TMEM178A: variants seen among roughly 807,000 people sequenced by gnomAD.
The protein encoded by TMEM178A is transmembrane protein 178A, also known as transmembrane protein 178.
In TMEM178A, 12 loss-of-function variants were observed where a neutral mutation model predicts 29.1. That is an observed-to-expected ratio of 0.41 (90% CI 0.26 to 0.67). The LOEUF (loss-of-function observed/expected upper bound fraction) is 0.67. Ranked by LOEUF, TMEM178A falls within the 30% of genes least tolerant of loss-of-function variation. The pLI is 0.29. For synonymous variants in TMEM178A, 210 were observed against 187.2 expected (o/e 1.12, Z -0.99); for missense variants, 366 against 419.1 (o/e 0.87, Z 1.11).
intron 3 of TMEM178A, among the ~76,000 whole-genome samples, chr2:39,711,657 A>T (rs190762035): frequency 0.012 from 1,892 of 152,192 alleles, 80 homozygotes; most frequent in Admixed American, 0.083. Flanking sequence ...AATTTTTTTT[A>T]AAAAAAGACT....
intron 3 of TMEM178A, among the ~76,000 whole-genome samples, chr2:39,708,395 A>G (rs1333464461): frequency 1.3e-5 from 2 of 150,332 alleles, no homozygotes; most frequent in South Asian, 2.1e-4. Context: ...GGTTTGAAGC[A>G]AAGGAGTGAC....
chr2:39,676,301 CTAGT>C (rs1670621784), intron 1 of TMEM178A, among the ~76,000 whole-genome samples: 3 of 152,160 alleles, frequency 2.0e-5, no homozygotes, highest in Non-Finnish European at 4.4e-5. Context: ...CTGCATGTGG[CTAGT>C]TAATTAAAGA....
chr2:39,721,765 T>C (rs1672710417), downstream of TMEM178A, among the ~76,000 whole-genome samples: 1 of 152,020 alleles, frequency 6.6e-6, no homozygotes, highest in Admixed American at 6.6e-5. Context: ...AGGCTGAGGC[T>C]GGAGGATCTC....
intron 1 of TMEM178A, among the ~76,000 whole-genome samples, chr2:39,699,842 G>A (rs1671705120): frequency 6.6e-6 from 1 of 152,006 alleles, no homozygotes; most frequent in South Asian, 2.1e-4. Context: ...TTGGTATGTT[G>A]TAATTTTGTT....
intron 3 of TMEM178A, among the ~76,000 whole-genome samples, chr2:39,709,281 T>A (rs779934832): frequency 1.3e-5 from 2 of 152,136 alleles, no homozygotes; most frequent in Non-Finnish European, 2.9e-5. Flanking sequence ...CCTATCCCAC[T>A]CCACGAAATG....
chr2:39,692,514 GAAA>G (rs1328335409), intron 1 of TMEM178A, among the ~76,000 whole-genome samples: 1 of 151,794 alleles, frequency 6.6e-6, no homozygotes, highest in South Asian at 2.1e-4. Context: ...AAAAATTGGA[GAAA>G]AAAAGACAGT....
At chr2:39,683,174 A>G (rs758598665) in intron 1 of TMEM178A, among the ~76,000 whole-genome samples, 1 of 152,236 alleles carries the variant, frequency 6.6e-6, no homozygotes, top group Non-Finnish European at 1.5e-5. Context: ...GGTGTCGTCC[A>G]TTTCAGCATA....
intron 1 of TMEM178A, among the ~76,000 whole-genome samples, chr2:39,691,491 G>T (rs1413300010): frequency 1.3e-5 from 2 of 152,176 alleles, no homozygotes; most frequent in African/African-American, 2.4e-5. Context: ...AAAGGTAAGT[G>T]TTGGCAAGCA....
chr2:39,704,460 T>C (rs1362934104), intron 2 of TMEM178A, among the ~76,000 whole-genome samples: 1 of 152,170 alleles, frequency 6.6e-6, no homozygotes, highest in Admixed American at 6.5e-5. Flanking sequence ...CTACTGAATC[T>C]TTTGTTTGCC....
At chr2:39,694,766 A>T (rs1216192883) in intron 1 of TMEM178A, among the ~76,000 whole-genome samples, 1 of 152,232 alleles carries the variant, frequency 6.6e-6, no homozygotes, top group Non-Finnish European at 1.5e-5. Flanking sequence ...AAAAATACTA[A>T]AATTAATCTC....
At chr2:39,675,220 A>G (rs537464873) in intron 1 of TMEM178A, among the ~76,000 whole-genome samples, 4 of 152,118 alleles carry the variant, frequency 2.6e-5, no homozygotes, top group Non-Finnish European at 5.9e-5. Flanking sequence ...CAGATCATGC[A>G]TTTTGAAGTG....
intron 1 of TMEM178A, among the ~76,000 whole-genome samples, chr2:39,684,148 C>T (rs951351115): frequency 1.3e-5 from 2 of 152,090 alleles, no homozygotes; most frequent in Admixed American, 6.5e-5. Flanking sequence ...TTATTTTCTC[C>T]TCTGTGAACA....
At chr2:39,728,707 A>G in the TMEM178A span, among the ~76,000 whole-genome samples, 2 of 151,298 alleles carry the variant, frequency 1.3e-5, no homozygotes, top group African/African-American at 2.5e-5. Flanking sequence ...CACTCACTTC[A>G]AGTCAAGAAA....
chr2:39,735,658 TAAC>T, the TMEM178A span, among the ~76,000 whole-genome samples: 1 of 152,240 alleles, frequency 6.6e-6, no homozygotes, highest in South Asian at 2.1e-4. Flanking sequence ...TCCCAGCTGT[TAAC>T]AACACAACCA....
At chr2:39,698,325 A>G (rs1383124483) in intron 1 of TMEM178A, among the ~76,000 whole-genome samples, 1 of 152,256 alleles carries the variant, frequency 6.6e-6, no homozygotes, top group African/African-American at 2.4e-5. Context: ...CATTTAGTGT[A>G]GTTAATAATA....
chr2:39,674,600 C>T (rs1478488005), intron 1 of TMEM178A, among the ~76,000 whole-genome samples: 1 of 152,162 alleles, frequency 6.6e-6, no homozygotes, highest in African/African-American at 2.4e-5. Flanking sequence ...TAAAATCTCA[C>T]AAATCACCAC....
Position 39,666,176 on chromosome 2 carries a change from C to A in TMEM178A, c.202C>A (p.Arg68=), listed in dbSNP as rs764798692. The change falls in exon 1 of 4, where the codon CGG becomes AGG. Residue 68 remains arginine (R), a synonymous_variant. Transcript: ENST00000281961. The part of the protein sequence containing the change: ...RLMPLSHLPL[R]DSPPLGRRLL... ...GATGCCGCTGTCGCACCTGCCGCTG[C>A]GGGACTCGCCCCCGCTGGGGCGCCG... 2.1e-5 allele frequency: 31 copies of A among 1,472,498 alleles called. 1 individual carries two copies. In the South Asian group the frequency reaches 3.5e-4, roughly 17 times the overall value. The allele number at this position is 1,472,498 out of a possible 1,614,324, so 91.2% of individuals were successfully genotyped here.
intron 1 of TMEM178A, among the ~76,000 whole-genome samples, chr2:39,698,847 T>G (rs754768482): frequency 2.0e-5 from 3 of 152,154 alleles, no homozygotes; most frequent in Non-Finnish European, 2.9e-5. Context: ...TCTTTACTTG[T>G]TATAGATGCG....
At chr2:39,703,720 G>C (rs1401440896) in intron 1 of TMEM178A, among the ~76,000 whole-genome samples, 1 of 152,168 alleles carries the variant, frequency 6.6e-6, no homozygotes, top group East Asian at 1.9e-4. Flanking sequence ...TTGAGAGTTT[G>C]AGACTGGATC....
Sources: allele counts gnomAD v4.1 joint callset (sites outside exome capture counted in the v4.1 genomes callset), GRCh38; gene constraint gnomAD v4.1.1; transcripts MANE v1.5; gene names NCBI Gene and HGNC (gene_info 2026-07-23, HGNC 2026-07-21).